The following DHRSX variants were observed in gnomAD, a reference collection of about 807,000 sequenced individuals.
DHRSX encodes dehydrogenase/reductase X-linked, also known as polyprenol dehydrogenase.
A neutral mutation model predicts 34.0 loss-of-function variants in DHRSX; 31 were observed. The observed-to-expected ratio is 0.91, with a 90% CI of 0.69 to 1.23. The LOEUF (loss-of-function observed/expected upper bound fraction) is 1.23. DHRSX is among the 50% of genes most tolerant of loss of function. The pLI is 0.00. For synonymous variants in DHRSX, 201 were observed against 183.8 expected (o/e 1.09, Z -0.76); for missense variants, 414 against 428.1 (o/e 0.97, Z 0.29).
intron 3 of DHRSX, among the ~76,000 whole-genome samples, chrX:2,303,888 G>A (rs1166242251): frequency 1.4e-5 from 2 of 144,840 alleles, no homozygotes; most frequent in Non-Finnish European, 1.5e-5. Context: ...TGGATGGATG[G>A]ATGGATGGAT....
chrX:2,484,918 C>G (rs2044846614), intron 1 of DHRSX, among the ~76,000 whole-genome samples: 1 of 152,048 alleles, frequency 6.6e-6, no homozygotes, highest in Non-Finnish European at 1.5e-5. Flanking sequence ...CAGAAACAGC[C>G]CAACCGGCTC....
At chrX:2,440,810 A>G (rs2044053234) in intron 1 of DHRSX, among the ~76,000 whole-genome samples, 1 of 152,078 alleles carries the variant, frequency 6.6e-6, no homozygotes, top group African/African-American at 2.4e-5. Flanking sequence ...CAGACGGCCT[A>G]TTGTGGGACT....
chrX:2,408,688 G>T, intron 3 of DHRSX, 57 bp downstream of exon 3: 1 of 1,487,100 alleles, frequency 6.7e-7, no homozygotes, highest in Non-Finnish European at 9.2e-7. Flanking sequence ...CCACGCAAAC[G>T]ACCTGTCCCA....
At chrX:2,490,770 C>A (rs1398645452) in intron 1 of DHRSX, 3 of 1,578,098 alleles carry the variant, frequency 1.9e-6, no homozygotes, top group Non-Finnish European at 2.6e-6. Context: ...GCGTGGGGAC[C>A]TGCTGAGAAG....
At chrX:2,260,968 G>A (rs1461402966) in intron 5 of DHRSX, among the ~76,000 whole-genome samples, 1 of 152,096 alleles carries the variant, frequency 6.6e-6, no homozygotes, top group Non-Finnish European at 1.5e-5. Flanking sequence ...CCAGCACTTT[G>A]TGAGGTCAAG....
chrX:2,364,234 TC>T (rs901379591), intron 3 of DHRSX, among the ~76,000 whole-genome samples: 3 of 152,016 alleles, frequency 2.0e-5, no homozygotes, highest in African/African-American at 7.3e-5. Flanking sequence ...CCTTTTTGTT[TC>T]CCCCTCCCCC....
At chrX:2,469,230 G>C (rs2044549974) in intron 1 of DHRSX, among the ~76,000 whole-genome samples, 1 of 150,974 alleles carries the variant, frequency 6.6e-6, no homozygotes, top group Admixed American at 6.6e-5. Context: ...ATGTGGCCAA[G>C]GGACCGCACT....
rs1451361282 is a variant in DHRSX at position 2,333,369 on chromosome X, TG to T, written c.287-41767del. Among the ~76,000 whole-genome samples, 3 of 152,212 alleles carry T rather than the reference TG, an allele frequency of 2.0e-5. No individual in the cohort carries two copies. The East Asian group carries it at 5.8e-4, about 29-fold the overall frequency. ...TGTTGCACAGGCAAATTACGTGACA[TG>T]GGAGTTTGGTGTACAGATTATTTTG... is the stretch of plus-strand genomic sequence containing the variant. On this transcript the variant is annotated intron_variant, in intron 3 of 6. Transcript: ENST00000334651.
rs180767890 is a variant in DHRSX, at chrX:2,450,455, T to C, written c.110-25151A>G. Among the ~76,000 whole-genome samples, 643 of 151,936 alleles carry C rather than the reference T, an allele frequency of 4.2e-3. 1 individual carries two copies. Among genetic ancestry groups the C allele is most frequent in the African/African-American group, 0.015 (616 of 41,442 alleles). ...CCAGGCTTGGCAACAAGAGCAAAAC[T>C]CTGTCTCAAAAAAAAAGAATGTTAG... On this transcript the variant is annotated intron_variant, in intron 1 of 6. Coordinates refer to ENST00000334651, the MANE Select transcript of DHRSX (RefSeq NM_145177.3).
rs772664224 is a variant in DHRSX at position 2,384,309 on chromosome X, G to A, written c.286+24436C>T. Among the ~76,000 whole-genome samples, 10 of 152,318 alleles carry A rather than the reference G, an allele frequency of 6.6e-5. No homozygotes were observed. In the South Asian group the frequency reaches 2.1e-3, roughly 32 times the overall value. On this transcript the variant is annotated intron_variant, in intron 3 of 6. Coordinates refer to ENST00000334651, the MANE Select transcript of DHRSX (RefSeq NM_145177.3). ...ATACATTCCTGCACTTGCTGTGGAA[G>A]CAGGGAGGTGTAGGAGGCAGGAGTT...
chrX:2,273,548 C>A (rs754354826), intron 4 of DHRSX, among the ~76,000 whole-genome samples: 39 of 152,300 alleles, frequency 2.6e-4, no homozygotes, highest in African/African-American at 8.2e-4. Flanking sequence ...ACATTAGAGA[C>A]TGAGGGTGGG....
At chrX:2,338,358 A>C (rs1289824467) in intron 3 of DHRSX, among the ~76,000 whole-genome samples, 2 of 151,530 alleles carry the variant, frequency 1.3e-5, no homozygotes, top group African/African-American at 4.8e-5. Context: ...AAATAGAAAA[A>C]GGAAGTCACA....
intron 1 of DHRSX, among the ~76,000 whole-genome samples, chrX:2,432,131 T>C (rs1485917707): frequency 1.3e-5 from 2 of 151,824 alleles, no homozygotes; most frequent in African/African-American, 2.4e-5. Context: ...GAGGTGGAGC[T>C]TGCAGTGAGC....
intron 2 of DHRSX, among the ~76,000 whole-genome samples, chrX:2,419,891 C>T (rs1471923301): frequency 1.3e-5 from 2 of 151,534 alleles, no homozygotes; most frequent in Non-Finnish European, 1.5e-5. Flanking sequence ...ATAGGTGCAG[C>T]ACACCAGCAT....
intron 3 of DHRSX, among the ~76,000 whole-genome samples, chrX:2,407,485 G>A (rs2043571437): frequency 6.6e-6 from 1 of 152,178 alleles, no homozygotes; most frequent in African/African-American, 2.4e-5. Context: ...GTGCGTGGAT[G>A]ATTAAAGGCC....
intron 3 of DHRSX, among the ~76,000 whole-genome samples, chrX:2,363,904 G>A (rs1313887891): frequency 6.6e-6 from 1 of 152,108 alleles, no homozygotes; most frequent in East Asian, 1.9e-4. Context: ...CCACAAAACC[G>A]GCCCAGGATC....
intron 3 of DHRSX, among the ~76,000 whole-genome samples, chrX:2,394,594 A>G (rs1299913406): frequency 1.3e-5 from 2 of 152,096 alleles, no homozygotes; most frequent in East Asian, 3.9e-4. Flanking sequence ...GGGGCCGGGC[A>G]CAGTGGCTCA....
rs1265204769 is a variant in DHRSX, at chrX:2,220,979, C to A, written c.*62G>T. ...ACTCAAACACCGCAGTCTTCACAGA[C>A]CCACAAGCTATTGGCAGGTGCAATG... On this transcript the variant is annotated 3_prime_UTR_variant, in exon 7 of 7. Coordinates refer to ENST00000334651, the MANE Select transcript of DHRSX (RefSeq NM_145177.3). 3.2e-6 allele frequency: 5 copies of A among 1,546,530 alleles called. No homozygotes were observed. The highest frequency in any genetic ancestry group is 4.4e-6 in the Non-Finnish European group (5 of 1,131,056).
chrX:2,433,316 G>A (rs934808257), intron 1 of DHRSX, among the ~76,000 whole-genome samples: 1 of 152,026 alleles, frequency 6.6e-6, no homozygotes, highest in Non-Finnish European at 1.5e-5. Flanking sequence ...TACAGAACAG[G>A]CTCAAATGGC....
Sources: allele counts gnomAD v4.1 joint callset (sites outside exome capture counted in the v4.1 genomes callset), GRCh38; gene constraint gnomAD v4.1.1; transcripts MANE v1.5; gene names NCBI Gene and HGNC (gene_info 2026-07-23, HGNC 2026-07-21).